The following TDRP variants were observed in gnomAD, a reference collection of about 807,000 sequenced individuals.
TDRP encodes the protein testis development-related protein.
Under a neutral mutation model 10.5 loss-of-function variants are expected in TDRP, and 12 were observed. The ratio of observed to expected loss-of-function variants is 1.15; its 90% CI spans 0.73 to 1.86. The LOEUF (loss-of-function observed/expected upper bound fraction) is 1.86. TDRP is among the 40% of genes most tolerant of loss of function. TDRP has a pLI of 0.00. For missense variants in TDRP, 353 were observed against 229.2 expected (o/e 1.54, Z -3.49); for synonymous variants, 139 against 95.4 (o/e 1.46, Z -2.67).
At position 494,597 on chromosome 8, in the gene TDRP, C is replaced by A; in HGVS notation, c.109G>T (p.Val37Phe). The change falls in exon 2 of 3, where the codon GTT (valine) becomes TTT (phenylalanine). Residue 37 changes from valine to phenylalanine, a missense_variant and splice_region_variant. Val to Phe is a conservative substitution (Grantham distance 50). Coordinates refer to ENST00000324079, the MANE Select transcript of TDRP (RefSeq NM_001384899.1). ...PAAAAAAQAQ[V>F]QGASFRGWKE... ...CAACCTCGGAAACTTGCTCCCTGAA[C>A]CTAATAAAAGGTTAAGAAAAATGTC... 1 of 1,613,506 alleles carries A rather than the reference C, an allele frequency of 6.2e-7. No homozygotes were observed. The highest frequency in any genetic ancestry group is 1.1e-5 in the South Asian group (1 of 91,048).
intron 1 of TDRP, among the ~76,000 whole-genome samples, chr8:523,456 C>T (rs955603200): frequency 6.6e-6 from 1 of 152,148 alleles, no homozygotes; most frequent in Non-Finnish European, 1.5e-5. Context: ...AGCTTGGGTA[C>T]CAGCTCAGCC....
chr8:536,293 A>T (rs1001531898), intron 1 of TDRP, among the ~76,000 whole-genome samples: 1 of 152,226 alleles, frequency 6.6e-6, no homozygotes, highest in African/African-American at 2.4e-5. Flanking sequence ...GTCTTTAGTG[A>T]GCTGATCTGA....
intron 1 of TDRP, among the ~76,000 whole-genome samples, chr8:500,662 T>C (rs913243128): frequency 5.9e-5 from 9 of 152,228 alleles, no homozygotes; most frequent in Non-Finnish European, 1.3e-4. Context: ...AAGCATTAAG[T>C]TCTGAATTAT....
In TDRP at chr8:494,608, G is replaced by T. The variant is rs377407643; in HGVS notation, c.109-11C>A. 6.2e-7 allele frequency: 1 copy of T among 1,611,218 alleles called. No homozygotes were observed. Among genetic ancestry groups the T allele is most frequent in the African/African-American group, 1.3e-5 (1 of 74,824 alleles). ...ACTTGCTCCCTGAACCTAATAAAAG[G>T]TTAAGAAAAATGTCAAATCTGATGT... On this transcript the variant is annotated splice_polypyrimidine_tract_variant and intron_variant, in intron 1 of 2. Coordinates refer to ENST00000324079, the MANE Select transcript of TDRP (RefSeq NM_001384899.1).
intron 1 of TDRP, among the ~76,000 whole-genome samples, chr8:499,224 G>A (rs983267921): frequency 6.9e-6 from 1 of 144,800 alleles, no homozygotes; most frequent in Non-Finnish European, 1.5e-5. Flanking sequence ...TTCAAACAAC[G>A]TTTTTGTTTT....
At chr8:544,856 C>T (rs949455304), upstream of TDRP, 18 of 923,086 alleles carry the variant, frequency 1.9e-5, no homozygotes, top group African/African-American at 2.9e-4. Flanking sequence ...CTGCGGGACG[C>T]GGGCCCAGTG....
chr8:517,544 T>G (rs186836792), intron 1 of TDRP, among the ~76,000 whole-genome samples: 86 of 152,292 alleles, frequency 5.6e-4, no homozygotes, highest in African/African-American at 2.0e-3. Context: ...AGCTTAACCC[T>G]TCCAACCAGC....
chr8:502,569 C>T (rs1045296254), intron 1 of TDRP, among the ~76,000 whole-genome samples: 1 of 152,220 alleles, frequency 6.6e-6, no homozygotes, highest in African/African-American at 2.4e-5. Flanking sequence ...ACATGGAACC[C>T]AGAGCCATGC....
At chr8:525,565 G>A (rs891420579) in intron 1 of TDRP, among the ~76,000 whole-genome samples, 11 of 152,178 alleles carry the variant, frequency 7.2e-5, no homozygotes, top group African/African-American at 2.7e-4. Context: ...AAGTGGAACT[G>A]TAGAGTTTTT....
rs966190599 is a variant in TDRP at position 544,823 on chromosome 8, G to A, written c.-66C>T. 6 of 1,141,056 alleles carry A rather than the reference G, an allele frequency of 5.3e-6. No individual in the cohort carries two copies. In the African/African-American group the frequency reaches 8.0e-5, roughly 15 times the overall value. 70.7% of individuals were successfully genotyped at this position (1,141,056 alleles called of 1,614,324 possible). Reference sequence around the variant, plus strand: ...CTGTGGCTCCGCGTCCCTCCCGGCCGCCGGACGCTCTGCCTGCGGCTCCTG... The same window carrying A: ...CTGTGGCTCCGCGTCCCTCCCGGCCACCGGACGCTCTGCCTGCGGCTCCTG... On this transcript the variant is annotated 5_prime_UTR_variant, in exon 1 of 3. Transcript: ENST00000324079.
chr8:496,815 T>C (rs965890034), intron 1 of TDRP, among the ~76,000 whole-genome samples: 2 of 152,166 alleles, frequency 1.3e-5, no homozygotes, highest in African/African-American at 4.8e-5. Flanking sequence ...GGGGCAGATT[T>C]TCCTCTTGGT....
intron 1 of TDRP, among the ~76,000 whole-genome samples, chr8:524,685 TC>T (rs60227725): frequency 0.028 from 4,213 of 152,246 alleles, 198 homozygotes; most frequent in African/African-American, 0.097. Context: ...AATGCATCAG[TC>T]TCAAAAGTAG....
intron 1 of TDRP, among the ~76,000 whole-genome samples, chr8:501,905 T>C (rs1011518852): frequency 6.6e-5 from 10 of 152,184 alleles, no homozygotes; most frequent in Non-Finnish European, 1.2e-4. Context: ...TGCATGACCC[T>C]GACCCACCCT....
chr8:511,966 T>C (rs993766129), intron 1 of TDRP, among the ~76,000 whole-genome samples: 7 of 151,958 alleles, frequency 4.6e-5, no homozygotes, highest in African/African-American at 7.3e-5. Flanking sequence ...GAAAAAAAGA[T>C]ATCAAATCAA....
At position 529,282 on chromosome 8, in the gene TDRP, T is replaced by C. The variant is rs937346174; in HGVS notation, c.108+15368A>G. 4.6e-5 allele frequency among the ~76,000 whole-genome samples: 7 copies of C among 152,208 alleles called. No homozygotes were observed. The East Asian group carries it at 1.2e-3, about 25-fold the overall frequency. ...ATCCCCTAAATATACACACCTACTA[T>C]GATCCCACGAAAATTAAAAATTAAA... is the stretch of plus-strand genomic sequence containing the variant. On this transcript the variant is annotated intron_variant, in intron 1 of 2. Coordinates refer to ENST00000324079, the MANE Select transcript of TDRP (RefSeq NM_001384899.1).
rs1032850386 is a variant in TDRP at position 544,516 on chromosome 8, C to A, written c.108+134G>T. On this transcript the variant is annotated intron_variant, in intron 1 of 2. Coordinates refer to ENST00000324079, the MANE Select transcript of TDRP (RefSeq NM_001384899.1). Reference sequence around the variant, plus strand: ...CCTAGCGGGCCGCGCCCCGGAGCTACGCGGCCCCAACCTCACCTGCCCGCC... The same window carrying A: ...CCTAGCGGGCCGCGCCCCGGAGCTAAGCGGCCCCAACCTCACCTGCCCGCC... The A allele has an allele frequency of 1.4e-4, 75 of 520,522 alleles. No individual in the cohort carries two copies. In the African/African-American group the frequency reaches 1.4e-3, roughly 10 times the overall value. The allele number at this position is 520,522 out of a possible 1,614,324, so 32.2% of individuals were successfully genotyped here. A position where few individuals can be genotyped will look rare whatever the true frequency, so the allele number is the denominator to read the frequency against.
chr8:503,502 C>T (rs541733141), intron 1 of TDRP, among the ~76,000 whole-genome samples: 70 of 151,460 alleles, frequency 4.6e-4, no homozygotes, highest in Non-Finnish European at 7.5e-4. Context: ...GTGCCCACCT[C>T]AGCACACACC....
chr8:529,485 T>C (rs142455391), intron 1 of TDRP, among the ~76,000 whole-genome samples: 1 of 152,348 alleles, frequency 6.6e-6, no homozygotes, highest in African/African-American at 2.4e-5. Context: ...TATACTTTTA[T>C]ATTGCTATTT....
At chr8:536,355 A>G (rs1802348272) in intron 1 of TDRP, among the ~76,000 whole-genome samples, 1 of 152,046 alleles carries the variant, frequency 6.6e-6, no homozygotes, top group Non-Finnish European at 1.5e-5. Flanking sequence ...GGCATTCACT[A>G]AAAACACTAC....
Sources: gnomAD v4.1 joint callset for allele counts (sites outside exome capture counted in the v4.1 genomes callset) on GRCh38, gnomAD v4.1.1 for gene constraint, MANE v1.5 for transcripts, NCBI Gene and HGNC (gene_info 2026-07-23, HGNC 2026-07-21) for gene names.